The following PDE4D variants were observed in gnomAD, a reference collection of about 807,000 sequenced individuals.
The protein encoded by PDE4D is 3',5'-cyclic-AMP phosphodiesterase 4D.
In PDE4D, 24 loss-of-function variants were observed where a neutral mutation model predicts 87.4. That is an observed-to-expected ratio of 0.27 (90% CI 0.20 to 0.39). The LOEUF (loss-of-function observed/expected upper bound fraction) is 0.39, where lower values mean the gene tolerates loss of function less well. Among genes scored for constraint, PDE4D ranks in the 10% least tolerant of loss-of-function variants. The pLI is 1.00. For synonymous variants in PDE4D, 384 were observed against 383.2 expected, an observed-to-expected ratio of 1.00 and a Z score of -0.02; for missense variants, 714 against 1,041.0, an observed-to-expected ratio of 0.69 and a Z score of 4.32.
At chr5:59,968,228 C>T (rs1432616883) in intron 3 of PDE4D, among the ~76,000 whole-genome samples, 1 of 146,560 alleles carries the variant, frequency 6.8e-6, no homozygotes, top group Non-Finnish European at 1.5e-5. Flanking sequence ...AGGTGATCCA[C>T]CTGTCTCGAC....
intron 1 of PDE4D, among the ~76,000 whole-genome samples, chr5:59,839,568 T>A (rs1375950836): frequency 3.9e-5 from 6 of 152,064 alleles, no homozygotes; most frequent in Admixed American, 6.6e-5. Context: ...CTGACTGAAC[T>A]TCAAATATGT....
intron 6 of PDE4D, among the ~76,000 whole-genome samples, chr5:58,994,918 C>T (rs1193910034): frequency 8.5e-6 from 1 of 117,540 alleles, no homozygotes; most frequent in Non-Finnish European, 1.7e-5. Flanking sequence ...CCCCCCTCCC[C>T]CCACCCCACA....
chr5:59,700,928 C>T (rs1752467109), intron 1 of PDE4D, among the ~76,000 whole-genome samples: 1 of 152,186 alleles, frequency 6.6e-6, no homozygotes, highest in South Asian at 2.1e-4. Context: ...AATCTTGCCA[C>T]TTACATATTT....
chr5:59,517,390 C>T (rs1442204811), intron 1 of PDE4D, among the ~76,000 whole-genome samples: 8 of 152,268 alleles, frequency 5.3e-5, no homozygotes, highest in Non-Finnish European at 7.4e-5. Context: ...GTCAAATTCA[C>T]CTGGTTTTTA....
At chr5:59,612,025 T>C (rs142930840) in intron 1 of PDE4D, among the ~76,000 whole-genome samples, 3 of 152,278 alleles carry the variant, frequency 2.0e-5, no homozygotes, top group African/African-American at 4.8e-5. Context: ...TGATTTTGTC[T>C]CTCCTGAACA....
At chr5:59,729,285 C>T (rs1051968516) in intron 1 of PDE4D, among the ~76,000 whole-genome samples, 2 of 152,076 alleles carry the variant, frequency 1.3e-5, no homozygotes, top group Non-Finnish European at 2.9e-5. Context: ...ATAGCATCTA[C>T]TCCAATGGTT....
rs114730315 is a variant in PDE4D, at chr5:60,302,103, A to G, written c.-89-116416T>C. Among the ~76,000 whole-genome samples the G allele has an allele frequency of 5.2e-3, 792 of 152,322 alleles. 4 individuals carry two copies. The highest frequency in any genetic ancestry group is 8.0e-3 in the Non-Finnish European group (547 of 68,024). ...TATTTTATTGAGGACTTTTGCATCA[A>G]TGATCATCAAGGATATTGGCCTGAA... On this transcript the variant is annotated intron_variant, in intron 1 of 16. Coordinates refer to the PDE4D transcript ENST00000502484.
intron 5 of PDE4D, among the ~76,000 whole-genome samples, chr5:59,073,145 T>C (rs1379310424): frequency 6.6e-6 from 1 of 152,170 alleles, no homozygotes; most frequent in East Asian, 1.9e-4. Flanking sequence ...GCATCATCTC[T>C]CTGAGAACAA....
chr5:59,050,218 G>C (rs896814368), intron 5 of PDE4D, among the ~76,000 whole-genome samples: 2 of 152,168 alleles, frequency 1.3e-5, no homozygotes, highest in African/African-American at 4.8e-5. Context: ...AGTGAGCCGA[G>C]ATTGTGCCAC....
intron 10 of PDE4D, among the ~76,000 whole-genome samples, chr5:58,989,091 C>A (rs1747252537): frequency 6.6e-6 from 1 of 151,994 alleles, no homozygotes; most frequent in South Asian, 2.1e-4. Flanking sequence ...CAACAAGATG[C>A]CAGTATCATG....
At chr5:59,789,795 C>T (rs533946769) in intron 1 of PDE4D, among the ~76,000 whole-genome samples, 25 of 152,254 alleles carry the variant, frequency 1.6e-4, no homozygotes, top group Middle Eastern at 6.8e-3. Context: ...TTGGGGTCAG[C>T]GTTCTTCTAG....
intron 2 of PDE4D, among the ~76,000 whole-genome samples, chr5:60,020,898 A>T (rs532477740): frequency 6.6e-6 from 1 of 152,282 alleles, no homozygotes; most frequent in South Asian, 2.1e-4. Flanking sequence ...CATAAGCTTA[A>T]TCTTGTTTAG....
chr5:59,300,909 A>T (rs1770108139), intron 1 of PDE4D, among the ~76,000 whole-genome samples: 1 of 152,184 alleles, frequency 6.6e-6, no homozygotes, highest in Non-Finnish European at 1.5e-5. Context: ...GGAGTGGCTC[A>T]CAGAACCCAG....
intron 1 of PDE4D, among the ~76,000 whole-genome samples, chr5:59,781,352 C>A (rs2152627840): frequency 6.6e-6 from 1 of 152,184 alleles, no homozygotes; most frequent in South Asian, 2.1e-4. Context: ...AAGGCAATTT[C>A]TTTGCTGCAT....
intron 3 of PDE4D, among the ~76,000 whole-genome samples, chr5:59,902,892 ACT>A (rs752301816): frequency 2.8e-4 from 42 of 152,206 alleles, no homozygotes; most frequent in Non-Finnish European, 4.9e-4. Flanking sequence ...CCTAAATAGA[ACT>A]CTGAGCTAAA....
At chr5:60,262,135 G>A (rs923372081) in intron 1 of PDE4D, among the ~76,000 whole-genome samples, 2 of 152,048 alleles carry the variant, frequency 1.3e-5, no homozygotes, top group Admixed American at 1.3e-4. Flanking sequence ...ACCTGGATTT[G>A]GCAATAACTA....
At chr5:59,657,372 A>T (rs1378185457) in intron 1 of PDE4D, among the ~76,000 whole-genome samples, 1 of 152,134 alleles carries the variant, frequency 6.6e-6, no homozygotes, top group African/African-American at 2.4e-5. Flanking sequence ...TTTTTCCCCC[A>T]TCTTGCCAAT....
chr5:60,451,105 C>T (rs1272207656), intron 1 of PDE4D, among the ~76,000 whole-genome samples: 3 of 152,094 alleles, frequency 2.0e-5, no homozygotes, highest in Non-Finnish European at 4.4e-5. Context: ...CCCCACAGTT[C>T]TGGAGATCAC....
chr5:59,291,042 A>C (rs1259933888), intron 1 of PDE4D, among the ~76,000 whole-genome samples: 1 of 152,084 alleles, frequency 6.6e-6, no homozygotes, highest in Non-Finnish European at 1.5e-5. Flanking sequence ...AAAGACTAAA[A>C]ATAGAGCTAC....
Sources: gnomAD v4.1 joint callset for allele counts (sites outside exome capture counted in the v4.1 genomes callset) on GRCh38, gnomAD v4.1.1 for gene constraint, MANE v1.5 for transcripts, NCBI Gene and HGNC (gene_info 2026-07-23, HGNC 2026-07-21) for gene names.